The following ABCB7 variants were observed in gnomAD, a reference collection of about 807,000 sequenced individuals.
ABCB7 encodes the protein ATP binding cassette subfamily B member 7, also known as iron-sulfur clusters transporter ABCB7, mitochondrial.
A neutral mutation model predicts 54.4 loss-of-function variants in ABCB7; 7 were observed. That is an observed-to-expected ratio of 0.13 (90% CI 0.07 to 0.24). ABCB7 has a LOEUF of 0.24. Ranked by LOEUF, ABCB7 falls within the 10% of genes least tolerant of loss-of-function variation. The pLI is 1.00. For synonymous variants in ABCB7, 218 were observed against 207.1 expected (o/e 1.05, Z -0.45); for missense variants, 356 against 570.4 (o/e 0.62, Z 3.83).
rs756708420 is a variant in ABCB7, at chrX:75,071,857, A to G, written c.1033-174T>C. Among the ~76,000 whole-genome samples, 55 of 111,593 alleles carry G rather than the reference A, an allele frequency of 4.9e-4. 2 individuals carry two copies. The South Asian group carries it at 0.02, about 41-fold the overall frequency. On this transcript the variant is annotated intron_variant, in intron 8 of 15. Transcript: ENST00000373394. ...GATATCCCTGCAGTTTTCCATAATG[A>G]ATTGTATTTGAAAAGTCCACAAAAT...
chrX:75,083,534 T>C (rs1475410337), intron 4 of ABCB7, among the ~76,000 whole-genome samples: 3 of 111,481 alleles, frequency 2.7e-5, no homozygotes, highest in Non-Finnish European at 5.7e-5. Context: ...TAAAATTTTA[T>C]TTAAAACATC....
At chrX:75,147,032 C>T (rs1273845060) in intron 1 of ABCB7, among the ~76,000 whole-genome samples, 1 of 109,444 alleles carries the variant, frequency 9.1e-6, no homozygotes, top group African/African-American at 3.3e-5. Context: ...CCAAAGAAGA[C>T]ATACATGCAG....
At chrX:75,095,130 C>A (rs191270065) in intron 4 of ABCB7, among the ~76,000 whole-genome samples, 32 of 111,091 alleles carry the variant, frequency 2.9e-4, no homozygotes, top group Non-Finnish European at 4.5e-4. Flanking sequence ...GGCACAAAAT[C>A]TTCCTCCTGT....
Position 75,090,791 on chromosome X carries a change from G to A in ABCB7, c.453+8151C>T, listed in dbSNP as rs143809724. 6.3e-5 allele frequency among the ~76,000 whole-genome samples: 7 copies of A among 110,987 alleles called. No individual in the cohort carries two copies. In the East Asian group the frequency reaches 2.0e-3, roughly 31 times the overall value. On this transcript the variant is annotated intron_variant, in intron 4 of 15. Coordinates refer to ENST00000373394, the MANE Select transcript of ABCB7 (RefSeq NM_001271696.3). Reference sequence around the variant, plus strand: ...TACTAACATCAGAAATGAAAGGCAGGCCTTCAGTACTGTTTCTATGAAAAT... The same window carrying A: ...TACTAACATCAGAAATGAAAGGCAGACCTTCAGTACTGTTTCTATGAAAAT...
chrX:75,119,455 T>C (rs1003685415), intron 1 of ABCB7, among the ~76,000 whole-genome samples: 2 of 112,473 alleles, frequency 1.8e-5, no homozygotes, highest in African/African-American at 6.5e-5. Flanking sequence ...CAGGTTTTTC[T>C]TAGAGCACTT....
chrX:75,126,504 C>T (rs2081929612), intron 1 of ABCB7, among the ~76,000 whole-genome samples: 1 of 109,674 alleles, frequency 9.1e-6, no homozygotes. Flanking sequence ...ACTAAAGAAG[C>T]AAGAGCAAAC....
intron 15 of ABCB7, among the ~76,000 whole-genome samples, chrX:75,056,618 T>C (rs947806631): frequency 1.8e-5 from 2 of 111,638 alleles, no homozygotes; most frequent in Non-Finnish European, 3.8e-5. Flanking sequence ...GTGCCAAGTA[T>C]ACCCATTACT....
At chrX:75,104,914 A>G (rs910706401) in intron 3 of ABCB7, among the ~76,000 whole-genome samples, 5 of 112,285 alleles carry the variant, frequency 4.5e-5, no homozygotes, top group African/African-American at 1.6e-4. Context: ...AATGTGATTC[A>G]CTACATAAAC....
chrX:75,053,193 C>T lies in ABCB7; in HGVS notation c.*177G>A. Reference sequence around the variant, plus strand: ...CAAGAAAATAATTTGGGGATAAATACAGATGCCACATTAAATAGACTATGA... The same window carrying T: ...CAAGAAAATAATTTGGGGATAAATATAGATGCCACATTAAATAGACTATGA... On this transcript the variant is annotated 3_prime_UTR_variant, in exon 16 of 16. Coordinates refer to ENST00000373394, the MANE Select transcript of ABCB7 (RefSeq NM_001271696.3). 7.8e-6 allele frequency: 5 copies of T among 641,407 alleles called. No homozygotes were observed. In the South Asian group the frequency reaches 1.2e-4, roughly 16 times the overall value. The allele number at this position is 641,407 out of a possible 1,213,427, so 52.9% of individuals were successfully genotyped here.
At chrX:75,156,006 C>A in intron 1 of ABCB7, 99 bp downstream of exon 1, 2 of 993,316 alleles carry the variant, frequency 2.0e-6, no homozygotes, top group Non-Finnish European at 2.8e-6. Flanking sequence ...CCATGACTTT[C>A]TTCTTGGTGC....
chrX:75,057,320 G>C lies in ABCB7; in HGVS notation c.2043+2903C>G, dbSNP rs761185309. On this transcript the variant is annotated intron_variant, in intron 15 of 15. Coordinates refer to ENST00000373394, the MANE Select transcript of ABCB7 (RefSeq NM_001271696.3). ...AAGGTAGCATGCTATATTCTCTTTTGTATCTTACTTTTTTTTTTCACTTAC... is the reference window on the plus strand; with the variant it reads ...AAGGTAGCATGCTATATTCTCTTTTCTATCTTACTTTTTTTTTTCACTTAC... 2.9e-5 allele frequency among the ~76,000 whole-genome samples: 3 copies of C among 104,205 alleles called. No individual in the cohort carries two copies. In the South Asian group the frequency reaches 1.3e-3, roughly 44 times the overall value. 90.5% of individuals were successfully genotyped at this position (104,205 alleles called of 115,157 possible).
chrX:75,124,868 G>T (rs1320960132), intron 1 of ABCB7, among the ~76,000 whole-genome samples: 3 of 111,341 alleles, frequency 2.7e-5, no homozygotes, highest in Non-Finnish European at 3.8e-5. Context: ...TGTAATAAAA[G>T]AAGTTGAGAA....
In ABCB7 at chrX:75,069,603, A is replaced by C. The variant is rs1033098103; in HGVS notation, c.1366-149T>G. 3.6e-5 allele frequency: 22 copies of C among 617,046 alleles called. No individual in the cohort carries two copies. In the African/African-American group the frequency reaches 4.3e-4, roughly 12 times the overall value. 50.9% of individuals were successfully genotyped at this position (617,046 alleles called of 1,213,427 possible). ...TTAGACCACTTCCAAGCATGCATTT[A>C]AAGATTTGTTTTCTCACGCTTCATG... is the stretch of plus-strand genomic sequence containing the variant. On this transcript the variant is annotated intron_variant, in intron 10 of 15. Coordinates refer to ENST00000373394, the MANE Select transcript of ABCB7 (RefSeq NM_001271696.3).
At chrX:75,102,579 C>T (rs1402771410) in intron 3 of ABCB7, among the ~76,000 whole-genome samples, 2 of 111,645 alleles carry the variant, frequency 1.8e-5, no homozygotes, top group African/African-American at 6.5e-5. Flanking sequence ...AGATTGATTC[C>T]ATATCAGCTA....
chrX:75,084,477 A>T (rs1383304699), intron 4 of ABCB7, among the ~76,000 whole-genome samples: 1 of 112,003 alleles, frequency 8.9e-6, no homozygotes, highest in Non-Finnish European at 1.9e-5. Flanking sequence ...CATATTTTTT[A>T]AAAAACGTGG....
At chrX:75,065,039 A>G (rs1387634691) in intron 13 of ABCB7, 31 bp downstream of exon 13, 1 of 1,205,436 alleles carries the variant, frequency 8.3e-7, no homozygotes, top group Non-Finnish European at 1.1e-6. Context: ...GAAGTATACA[A>G]GAAGGGGGCA....
intron 3 of ABCB7, among the ~76,000 whole-genome samples, chrX:75,108,069 C>T (rs1315920990): frequency 6.3e-5 from 7 of 111,057 alleles, no homozygotes; most frequent in African/African-American, 2.3e-4. Context: ...GGCAGTACTC[C>T]CCGTGACCTG....
intron 3 of ABCB7, among the ~76,000 whole-genome samples, chrX:75,100,362 G>A (rs550051812): frequency 5.4e-5 from 6 of 110,659 alleles, no homozygotes; most frequent in African/African-American, 2.0e-4. Context: ...TGGCTTATAA[G>A]GCTCTGCTTG....
intron 4 of ABCB7, among the ~76,000 whole-genome samples, chrX:75,098,133 AC>A (rs1313514248): frequency 9.1e-6 from 1 of 110,374 alleles, no homozygotes. Context: ...ACATGGTGAA[AC>A]CCCATCTCTA....
Sources: allele counts gnomAD v4.1 joint callset (sites outside exome capture counted in the v4.1 genomes callset), GRCh38; gene constraint gnomAD v4.1.1; transcripts MANE v1.5; gene names NCBI Gene and HGNC (gene_info 2026-07-23, HGNC 2026-07-21).